Variants in CD99 observed in about 807,000 individuals in gnomAD.
The protein encoded by CD99 is CD99 molecule (Xg blood group), also known as CD99 antigen.
A neutral mutation model predicts 28.4 loss-of-function variants in CD99; 19 were observed. The observed-to-expected ratio is 0.67, with a 90% CI of 0.47 to 0.98. CD99 has a LOEUF of 0.98. CD99 is among the 50% of genes least tolerant of loss of function. The pLI is 0.00. For synonymous variants in CD99, 103 were observed against 92.1 expected (o/e 1.12, Z -0.67); for missense variants, 283 against 248.8 (o/e 1.14, Z -0.92).
intron 1 of CD99, among the ~76,000 whole-genome samples, chrX:2,703,605 A>AGTGTGTGTGTGTGTGTGTGT (rs556444956): frequency 7.2e-6 from 1 of 138,404 alleles, no homozygotes; most frequent in African/African-American, 2.7e-5. Context: ...CGAGCTGTTA[A>AGTGTGTGTGTGTGTGTGTGT]GTGTGTGTGT....
intron 2 of CD99, among the ~76,000 whole-genome samples, chrX:2,717,017 G>A (rs950211634): frequency 2.6e-5 from 4 of 152,090 alleles, no homozygotes; most frequent in Non-Finnish European, 5.9e-5. Context: ...CTGCCTTCCT[G>A]GCTTATGTCT....
chrX:2,703,496 A>G (rs957189964), intron 1 of CD99, among the ~76,000 whole-genome samples: 6 of 152,074 alleles, frequency 3.9e-5, no homozygotes, highest in African/African-American at 1.4e-4. Context: ...GTAGTCCTGT[A>G]TTTACGTGGG....
intron 8 of CD99, among the ~76,000 whole-genome samples, chrX:2,732,702 CTCTT>C (rs2049701624): frequency 1.4e-5 from 2 of 148,134 alleles, no homozygotes; most frequent in South Asian, 4.3e-4. Context: ...TCTTATGTAC[CTCTT>C]TCTTTTTTCT....
At chrX:2,707,061 G>C (rs184886870) in intron 1 of CD99, among the ~76,000 whole-genome samples, 1 of 152,086 alleles carries the variant, frequency 6.6e-6, no homozygotes, top group Non-Finnish European at 1.5e-5. Flanking sequence ...CGGGCGCGGC[G>C]GCTCACATCT....
chrX:2,738,751 A>G (rs1489608103), intron 9 of CD99, among the ~76,000 whole-genome samples: 1 of 151,712 alleles, frequency 6.6e-6, no homozygotes, highest in Non-Finnish European at 1.5e-5. Context: ...CAAGTGGCAC[A>G]CGATTGGTGC....
chrX:2,705,244 G>A (rs2048061739), intron 1 of CD99, among the ~76,000 whole-genome samples: 1 of 152,196 alleles, frequency 6.6e-6, no homozygotes, highest in Admixed American at 6.5e-5. Context: ...CCTTGCACTT[G>A]TCTGTGATCT....
At chrX:2,692,286 C>G (rs2047353744) in intron 1 of CD99, 2 of 248,742 alleles carry the variant, frequency 8.0e-6, no homozygotes, top group South Asian at 9.2e-5. Flanking sequence ...ATTTTTTGCT[C>G]TTCGTATGGG....
intron 1 of CD99, among the ~76,000 whole-genome samples, chrX:2,702,644 A>C (rs1198136951): frequency 6.6e-6 from 1 of 152,058 alleles, no homozygotes; most frequent in Non-Finnish European, 1.5e-5. Context: ...ACTTAGGTAA[A>C]CATGTGTCAT....
At chrX:2,727,461 G>A (rs1418083431) in intron 8 of CD99, 20 of 711,638 alleles carry the variant, frequency 2.8e-5, no homozygotes, top group Non-Finnish European at 5.2e-5. Flanking sequence ...GAATCCCATC[G>A]ACCGGGAACA....
chrX:2,726,769 G>C lies in CD99; in HGVS notation c.475+396G>C, dbSNP rs185318179. On this transcript the variant is annotated intron_variant, in intron 8 of 9. Coordinates refer to ENST00000381192, the MANE Select transcript of CD99 (RefSeq NM_002414.5). ...CATTCCTGCCCTGTTATTTACAACC[G>C]ATGTCATCATCAGGAGGAGAGCCGT... Among the ~76,000 whole-genome samples the C allele has an allele frequency of 1.2e-3, 188 of 152,238 alleles. 5 individuals are homozygous for C. In the East Asian group the frequency reaches 0.033, roughly 27 times the overall value.
intron 1 of CD99, among the ~76,000 whole-genome samples, chrX:2,699,475 T>C (rs2047743104): frequency 6.7e-6 from 1 of 150,178 alleles, no homozygotes; most frequent in Non-Finnish European, 1.5e-5. Flanking sequence ...GCCTTTTTTT[T>C]TTTTTTTTTT....
chrX:2,740,691 C>A, intron 9 of CD99, 88 bp from the exon 10 acceptor site: 2 of 1,362,276 alleles, frequency 1.5e-6, no homozygotes, highest in Non-Finnish European at 2.1e-6. Context: ...AGAAATAAAA[C>A]CACTGGCTCC....
intron 6 of CD99, 103 bp from the exon 7 acceptor site, chrX:2,723,211 C>A: frequency 8.7e-7 from 1 of 1,154,560 alleles, no homozygotes; most frequent in Non-Finnish European, 1.3e-6. Context: ...CATGTACCCC[C>A]GTAGAGTGTA....
Position 2,740,944 on chromosome X carries a change from T to C in CD99, c.*140T>C, listed in dbSNP as rs764268892. 2.6e-5 allele frequency: 25 copies of C among 949,318 alleles called. No homozygotes were observed. The highest frequency in any genetic ancestry group is 5.3e-5 in the South Asian group (4 of 75,858). The allele number at this position is 949,318 out of a possible 1,614,324, so 58.8% of individuals were successfully genotyped here. On this transcript the variant is annotated 3_prime_UTR_variant, in exon 10 of 10. Transcript: ENST00000381192. ...CGGATTCTTTGTTTTAATCTTGCGATGTGCTTTGCTTGTTGCTGGGCGGAT... is the reference window on the plus strand; with the variant it reads ...CGGATTCTTTGTTTTAATCTTGCGACGTGCTTTGCTTGTTGCTGGGCGGAT...
In CD99 at chrX:2,691,433, C is replaced by G. The variant is rs370317354; in HGVS notation, c.67+6C>G. 6.3e-7 allele frequency: 1 copy of G among 1,581,558 alleles called. No individual in the cohort carries two copies. The highest frequency in any genetic ancestry group is 8.5e-7 in the Non-Finnish European group (1 of 1,172,890). On this transcript the variant is annotated splice_donor_region_variant and intron_variant, in intron 1 of 9. Coordinates refer to ENST00000381192, the MANE Select transcript of CD99 (RefSeq NM_002414.5). ...TGTTCTGGTCGCCGCCCCGGGTGAG[C>G]GAGCGGAGGGATCCGGGTTGGGGGA...
At chrX:2,738,723 CAA>C (rs760587146) in intron 9 of CD99, among the ~76,000 whole-genome samples, 2 of 131,540 alleles carry the variant, frequency 1.5e-5, no homozygotes. Flanking sequence ...AGACATGTTT[CAA>C]AAAAAAAAAA....
chrX:2,732,921 C>CCCTT (rs2049737653), intron 8 of CD99, among the ~76,000 whole-genome samples: 1 of 148,578 alleles, frequency 6.7e-6, no homozygotes, highest in Admixed American at 6.8e-5. Flanking sequence ...TTCCTTCCTT[C>CCCTT]CCTTCCTCCT....
chrX:2,710,306 C>T (rs2048335370), intron 1 of CD99, among the ~76,000 whole-genome samples: 7 of 152,156 alleles, frequency 4.6e-5, no homozygotes, highest in Admixed American at 4.6e-4. Context: ...TAGAAACCTT[C>T]CGAGTCTCGT....
At chrX:2,697,386 G>A in intron 1 of CD99, among the ~76,000 whole-genome samples, 1 of 152,284 alleles carries the variant, frequency 6.6e-6, no homozygotes, top group African/African-American at 2.4e-5. Context: ...GCTGATAATA[G>A]TGTATCTGGT....
Sources: allele counts gnomAD v4.1 joint callset (sites outside exome capture counted in the v4.1 genomes callset), GRCh38; gene constraint gnomAD v4.1.1; transcripts MANE v1.5; gene names NCBI Gene and HGNC (gene_info 2026-07-23, HGNC 2026-07-21).